Variants in ADGRG2 observed in about 807,000 individuals in gnomAD.
ADGRG2 encodes the protein G protein-coupled receptor 64.
A neutral mutation model predicts 74.1 loss-of-function variants in ADGRG2; 26 were observed. The ratio of observed to expected loss-of-function variants is 0.35; its 90% CI spans 0.26 to 0.49. The LOEUF is 0.49. Ranked by LOEUF, ADGRG2 falls within the 20% of genes least tolerant of loss-of-function variation. The pLI is 0.99. For synonymous variants in ADGRG2, 296 were observed against 295.2 expected, an observed-to-expected ratio of 1.00 and a Z score of -0.03; for missense variants, 619 against 763.1, an observed-to-expected ratio of 0.81 and a Z score of 2.22.
At position 19,023,892 on chromosome X, in the gene ADGRG2, G is replaced by T; in HGVS notation, c.510+17C>A. ...TAACAATAATTATAAACAAGCTACA[G>T]GGTGCACTATGATTACCTCACTTAG... On this transcript the variant is annotated intron_variant, in intron 12 of 28. Transcript: ENST00000379869. 1 of 1,120,056 alleles carries T rather than the reference G, an allele frequency of 8.9e-7. No homozygotes were observed. Among genetic ancestry groups the T allele is most frequent in the Non-Finnish European group, 1.2e-6 (1 of 812,276 alleles). 92.3% of individuals were successfully genotyped at this position (1,120,056 alleles called of 1,213,427 possible).
intron 1 of ADGRG2, among the ~76,000 whole-genome samples, 160 bp from the exon 2 acceptor site, chrX:19,082,906 A>G (rs1028643962): frequency 8.9e-6 from 1 of 112,242 alleles, no homozygotes; most frequent in Non-Finnish European, 1.9e-5. Flanking sequence ...GAGTTACAGA[A>G]AAAATGGATG....
intron 3 of ADGRG2, among the ~76,000 whole-genome samples, chrX:19,052,655 T>C (rs1342956501): frequency 9.2e-6 from 1 of 109,202 alleles, no homozygotes; most frequent in Non-Finnish European, 1.9e-5. Context: ...TATATATATA[T>C]ACATATGTAT....
intron 25 of ADGRG2, 126 bp from the exon 26 acceptor site, chrX:18,999,405 T>A (rs891843294): frequency 5.5e-6 from 3 of 548,887 alleles, no homozygotes; most frequent in African/African-American, 4.7e-5. Context: ...AGAAAAAAAA[T>A]GATAAAACTG....
chrX:19,085,404 C>G (rs2061921604), intron 1 of ADGRG2, among the ~76,000 whole-genome samples: 1 of 111,399 alleles, frequency 9.0e-6, no homozygotes, highest in Non-Finnish European at 1.9e-5. Context: ...TCACAGCTCA[C>G]TGCAGCCTCC....
At chrX:19,097,855 G>A (rs2062123311) in intron 1 of ADGRG2, among the ~76,000 whole-genome samples, 1 of 112,723 alleles carries the variant, frequency 8.9e-6, no homozygotes, top group Non-Finnish European at 1.9e-5. Flanking sequence ...ACACACAACT[G>A]TGCCCTTTTG....
intron 2 of ADGRG2, among the ~76,000 whole-genome samples, chrX:19,073,146 T>C (rs150927166): frequency 1.2e-3 from 132 of 112,130 alleles, no homozygotes; most frequent in African/African-American, 4.2e-3. Context: ...AACCAGGAGC[T>C]AATTAAACCC....
At chrX:19,075,253 AAAAAAC>A (rs1472126081) in intron 2 of ADGRG2, among the ~76,000 whole-genome samples, 1 of 110,330 alleles carries the variant, frequency 9.1e-6, no homozygotes, top group Non-Finnish European at 1.9e-5. Flanking sequence ...AAATGAAAAA[AAAAAAC>A]AAAAACAAAA....
chrX:19,007,288 T>C lies in ADGRG2; in HGVS notation c.1636A>G (p.Arg546Gly). ...ISSSVANLTVRNLTRNVTVTL... is the reference protein window; with the variant it reads ...ISSSVANLTVGNLTRNVTVTL... The stretch of plus-strand genomic sequence containing the variant: ...ACTGTCACGTTTCTTGTCAAGTTCC[T>C]GACGGTCAGGTTTGCAACACTCGAT... The change falls in exon 20 of 29, where the codon AGG becomes GGG. Residue 546 changes from arginine (R) to glycine (G), a missense_variant. By Grantham distance (125) the Arg-to-Gly change is moderately radical. This residue lies in a region of ADGRG2 where 221 missense variants were observed against 340.6 expected (regional missense o/e 0.65). Coordinates refer to ENST00000379869, the MANE Select transcript of ADGRG2 (RefSeq NM_001079858.3). 1 of 1,209,772 alleles carries C rather than the reference T, an allele frequency of 8.3e-7. No individual in the cohort carries two copies. Among genetic ancestry groups the C allele is most frequent in the Non-Finnish European group, 1.1e-6 (1 of 893,624 alleles).
intron 2 of ADGRG2, among the ~76,000 whole-genome samples, chrX:19,072,821 C>A (rs2061675777): frequency 9.0e-6 from 1 of 111,071 alleles, no homozygotes. Context: ...AATAATGTAG[C>A]TCCTACTGCC....
At chrX:18,993,192 C>T (rs779957588) in intron 28 of ADGRG2, among the ~76,000 whole-genome samples, 9 of 111,608 alleles carry the variant, frequency 8.1e-5, no homozygotes, top group African/African-American at 2.9e-4. Context: ...TCCCCGCTCC[C>T]CTGGGACAGT....
intron 1 of ADGRG2, among the ~76,000 whole-genome samples, chrX:19,103,027 G>C (rs1390788003): frequency 9.0e-6 from 1 of 111,174 alleles, no homozygotes; most frequent in Non-Finnish European, 1.9e-5. Context: ...AAATAAGGCT[G>C]AGACCTGTTG....
chrX:19,075,140 GT>G (rs1232955874), intron 2 of ADGRG2, among the ~76,000 whole-genome samples: 6 of 109,180 alleles, frequency 5.5e-5, no homozygotes, highest in Non-Finnish European at 1.1e-4. Flanking sequence ...ATGACTAAGT[GT>G]CTCCAAATGG....
chrX:19,041,222 C>A (rs1199210909), intron 3 of ADGRG2, among the ~76,000 whole-genome samples: 1 of 111,738 alleles, frequency 8.9e-6, no homozygotes, highest in Non-Finnish European at 1.9e-5. Flanking sequence ...TCTTAATGGG[C>A]ATTTTGGTGT....
At chrX:19,019,200 T>G (rs2060535078) in intron 15 of ADGRG2, among the ~76,000 whole-genome samples, 1 of 112,062 alleles carries the variant, frequency 8.9e-6, no homozygotes, top group African/African-American at 3.2e-5. Context: ...AGAAAAGACA[T>G]GTACATGTAA....
intron 1 of ADGRG2, among the ~76,000 whole-genome samples, chrX:19,100,745 G>A (rs1182884096): frequency 8.8e-6 from 1 of 113,240 alleles, no homozygotes; most frequent in Non-Finnish European, 1.9e-5. Flanking sequence ...AAACATATGT[G>A]AAAAGAATGC....
rs1491064325 is a variant in ADGRG2 at position 19,101,104 on chromosome X, T to TGTGC, written c.-46-18359_-46-18358insGCAC. ...TTCAAATCAACTAATCATGAGATTGTGTGTGTGTGTGTGTGTGTGTGTGTG... is the reference window on the plus strand; with the variant it reads ...TTCAAATCAACTAATCATGAGATTGTGTGCGTGTGTGTGTGTGTGTGTGTGTGTG... On this transcript the variant is annotated intron_variant, in intron 1 of 28. Coordinates refer to ENST00000379869, the MANE Select transcript of ADGRG2 (RefSeq NM_001079858.3). Among the ~76,000 whole-genome samples, 18 of 51,811 alleles carry TGTGC rather than the reference T, an allele frequency of 3.5e-4. No homozygotes were observed. In the African/African-American group the frequency reaches 4.4e-3, roughly 13 times the overall value. The allele number at this position is 51,811 out of a possible 115,157, so 45.0% of individuals were successfully genotyped here.
At chrX:19,051,079 A>G (rs986500615) in intron 3 of ADGRG2, among the ~76,000 whole-genome samples, 5 of 110,964 alleles carry the variant, frequency 4.5e-5, no homozygotes, top group African/African-American at 1.6e-4. Context: ...TGCCCATGAC[A>G]CTCTTTTTGT....
At chrX:19,009,013 A>G (rs2060295289) in intron 18 of ADGRG2, among the ~76,000 whole-genome samples, 1 of 111,369 alleles carries the variant, frequency 9.0e-6, no homozygotes, top group Middle Eastern at 4.6e-3. Context: ...CACTTGTTAT[A>G]ATATCGAAAT....
chrX:19,106,493 T>G (rs867715364), intron 1 of ADGRG2, among the ~76,000 whole-genome samples: 1 of 106,740 alleles, frequency 9.4e-6, no homozygotes, highest in Non-Finnish European at 1.9e-5. Context: ...TAGTGTGTGT[T>G]TGTGTGTGTG....
Sources: gnomAD v4.1 joint callset for allele counts (sites outside exome capture counted in the v4.1 genomes callset) on GRCh38, gnomAD v4.1.1 for gene constraint, gnomAD v4.1.1 regional missense constraint, MANE v1.5 for transcripts, NCBI Gene and HGNC (gene_info 2026-07-23, HGNC 2026-07-21) for gene names.